GRB10: variants seen among roughly 807,000 people sequenced by gnomAD.
The protein encoded by GRB10 is growth factor receptor bound protein 10, also known as growth factor receptor-bound protein 10.
GRB10 carries 20 observed loss-of-function variants against 80.9 expected under a neutral mutation model. The ratio of observed to expected loss-of-function variants is 0.25; its 90% CI spans 0.17 to 0.36. The LOEUF (loss-of-function observed/expected upper bound fraction) is 0.36, where lower values mean the gene tolerates loss of function less well. Among genes scored for constraint, GRB10 ranks in the 10% least tolerant of loss-of-function variants. The pLI is 1.00. For synonymous variants in GRB10, 291 were observed against 291.5 expected (o/e 1.00, Z 0.02); for missense variants, 548 against 747.7 (o/e 0.73, Z 3.12).
At chr7:50,634,745 T>C (rs2054625651) in intron 7 of GRB10, among the ~76,000 whole-genome samples, 1 of 152,220 alleles carries the variant, frequency 6.6e-6, no homozygotes, top group Non-Finnish European at 1.5e-5. Flanking sequence ...GCCATTCTTA[T>C]ATCAGATAAA....
intron 4 of GRB10, chr7:50,705,127 C>T (rs748533818): frequency 6.1e-6 from 6 of 984,652 alleles, no homozygotes; most frequent in East Asian, 1.1e-4. Flanking sequence ...TTCTCTGCTG[C>T]GTGCACACTG....
intron 8 of GRB10, among the ~76,000 whole-genome samples, chr7:50,620,315 C>G (rs1756300939): frequency 6.6e-6 from 1 of 152,208 alleles, no homozygotes; most frequent in Non-Finnish European, 1.5e-5. Flanking sequence ...AGACCCTACC[C>G]TCCTCTCCTG....
rs1585371742 is a variant in GRB10 at position 50,594,359 on chromosome 7, A to G, written c.1638+1078T>C. ...CTGGCTCACAAAAGCTAAGCAAGAC[A>G]CCCTCCTCATCCTGTATGGTCCATG... On this transcript the variant is annotated intron_variant, in intron 18 of 18. Transcript: ENST00000401949. Among the ~76,000 whole-genome samples the G allele has an allele frequency of 3.9e-5, 6 of 152,164 alleles. No individual in the cohort carries two copies. In the South Asian group the frequency reaches 1.2e-3, roughly 32 times the overall value.
At chr7:50,791,570 G>C (rs1469454048) in intron 1 of GRB10, among the ~76,000 whole-genome samples, 2 of 152,220 alleles carry the variant, frequency 1.3e-5, no homozygotes, top group Non-Finnish European at 2.9e-5. Flanking sequence ...GGGATCAGGA[G>C]GTTGTAGAGG....
intron 3 of GRB10, among the ~76,000 whole-genome samples, chr7:50,738,401 T>A (rs188700604): frequency 6.6e-6 from 1 of 152,324 alleles, no homozygotes; most frequent in Admixed American, 6.5e-5. Flanking sequence ...GATGAATTAA[T>A]GGATAATTCA....
chr7:50,603,548 C>G (rs757285429), intron 17 of GRB10, among the ~76,000 whole-genome samples: 1 of 152,184 alleles, frequency 6.6e-6, no homozygotes, highest in Admixed American at 6.5e-5. Context: ...GCCAAGCTGG[C>G]CCAGGTGAGA....
At chr7:50,746,563 A>G (rs2072944885) in intron 3 of GRB10, among the ~76,000 whole-genome samples, 1 of 152,108 alleles carries the variant, frequency 6.6e-6, no homozygotes, top group Non-Finnish European at 1.5e-5. Flanking sequence ...GCCTTTCCTC[A>G]GCAGCACCAA....
At chr7:50,702,640 C>T (rs1214472902) in intron 5 of GRB10, among the ~76,000 whole-genome samples, 1 of 152,190 alleles carries the variant, frequency 6.6e-6, no homozygotes, top group African/African-American at 2.4e-5. Context: ...TGTGGGGATA[C>T]ATCCAAGACT....
intron 7 of GRB10, among the ~76,000 whole-genome samples, chr7:50,658,296 T>C (rs1246909446): frequency 6.6e-6 from 1 of 152,252 alleles, no homozygotes; most frequent in African/African-American, 2.4e-5. Context: ...CTCGCAGTCA[T>C]TTATGGCAGA....
In GRB10 at chr7:50,736,587, G is replaced by A. The variant is rs535802888; in HGVS notation, c.-46-4219C>T. 4.6e-5 allele frequency among the ~76,000 whole-genome samples: 7 copies of A among 152,276 alleles called. No homozygotes were observed. The East Asian group carries it at 1.2e-3, about 25-fold the overall frequency. ...ACAGGTGGATTGCTTGAGCCCAGAA[G>A]TTTGAGAACAGCCTGAACAACATGG... On this transcript the variant is annotated intron_variant, in intron 3 of 18. Coordinates refer to ENST00000401949, the MANE Select transcript of GRB10 (RefSeq NM_001350814.2).
chr7:50,672,892 G>A (rs1410697793), intron 6 of GRB10, among the ~76,000 whole-genome samples: 3 of 152,200 alleles, frequency 2.0e-5, no homozygotes, highest in Admixed American at 2.0e-4. Context: ...GCTTCAAAGA[G>A]CAAAGTTGAA....
intron 3 of GRB10, among the ~76,000 whole-genome samples, chr7:50,753,092 T>C (rs1285567239): frequency 6.6e-6 from 1 of 152,122 alleles, no homozygotes; most frequent in African/African-American, 2.4e-5. Flanking sequence ...CCCAGCTGAT[T>C]CCCCCAAGTC....
intron 3 of GRB10, among the ~76,000 whole-genome samples, chr7:50,732,588 T>G (rs1299665293): frequency 6.6e-6 from 1 of 152,180 alleles, no homozygotes; most frequent in Non-Finnish European, 1.5e-5. Context: ...CAAAAGTCTG[T>G]GGGGTAGAAG....
At chr7:50,770,685 TG>T (rs1225384770) in intron 2 of GRB10, among the ~76,000 whole-genome samples, 1 of 152,068 alleles carries the variant, frequency 6.6e-6, no homozygotes, top group Non-Finnish European at 1.5e-5. Context: ...GGCAGGGGGA[TG>T]GGGGGATCCA....
chr7:50,655,770 G>C (rs2153623101), intron 7 of GRB10, among the ~76,000 whole-genome samples: 1 of 152,318 alleles, frequency 6.6e-6, no homozygotes, highest in African/African-American at 2.4e-5. Context: ...TGGCTTCCTA[G>C]GCGCTGCCTC....
chr7:50,721,023 C>T (rs2153684804), intron 4 of GRB10, among the ~76,000 whole-genome samples: 1 of 152,246 alleles, frequency 6.6e-6, no homozygotes, highest in Admixed American at 6.5e-5. Flanking sequence ...CGCCCTGCTT[C>T]ATTGAAAAGT....
chr7:50,768,514 T>C (rs894309181), intron 2 of GRB10, among the ~76,000 whole-genome samples: 3 of 152,202 alleles, frequency 2.0e-5, no homozygotes, highest in African/African-American at 7.2e-5. Context: ...TCAGTATTCT[T>C]TCATTAATTC....
At chr7:50,665,055 T>C (rs146732594) in intron 7 of GRB10, among the ~76,000 whole-genome samples, 2 of 152,346 alleles carry the variant, frequency 1.3e-5, no homozygotes, top group Admixed American at 6.5e-5. Flanking sequence ...TAATAAATGA[T>C]GGAATCATCT....
intron 7 of GRB10, among the ~76,000 whole-genome samples, chr7:50,661,113 T>C (rs531433995): frequency 1.3e-5 from 2 of 152,294 alleles, no homozygotes; most frequent in East Asian, 3.9e-4. Context: ...AGACACACAT[T>C]TGCAGGAGAG....
Sources: gnomAD v4.1 joint callset for allele counts (sites outside exome capture counted in the v4.1 genomes callset) on GRCh38, gnomAD v4.1.1 for gene constraint, MANE v1.5 for transcripts, NCBI Gene and HGNC (gene_info 2026-07-23, HGNC 2026-07-21) for gene names.